Variants in PSMC3IP observed in about 807,000 individuals in gnomAD.
PSMC3IP encodes the protein homologous-pairing protein 2 homolog.
In PSMC3IP, 26 loss-of-function variants were observed where a neutral mutation model predicts 34.9. The observed-to-expected ratio is 0.74, with a 90% confidence interval of 0.55 to 1.03. The LOEUF (loss-of-function observed/expected upper bound fraction) is 1.03, where lower values mean the gene tolerates loss of function less well. Ranked by LOEUF, PSMC3IP falls within the 50% of genes least tolerant of loss-of-function variation. The pLI, the probability that PSMC3IP is intolerant of heterozygous loss-of-function variation, is 0.00. For synonymous variants in PSMC3IP, 87 were observed against 96.5 expected (o/e 0.90, Z 0.57); for missense variants, 250 against 263.1 (o/e 0.95, Z 0.34).
chr17:42,575,749 C>T (rs1253246389), intron 3 of PSMC3IP, among the ~76,000 whole-genome samples: 1 of 151,630 alleles, frequency 6.6e-6, no homozygotes, highest in Non-Finnish European at 1.5e-5. Context: ...TGGCTCATGC[C>T]TGTAATCCCA....
At chr17:42,574,077 T>G in intron 4 of PSMC3IP, 22 bp downstream of exon 4, 1 of 1,613,906 alleles carries the variant, frequency 6.2e-7, no homozygotes, top group Admixed American at 1.7e-5. Flanking sequence ...ATGGGCACTT[T>G]GGAGGGGCTA....
chr17:42,576,405 A>G (rs1190648682), intron 3 of PSMC3IP, among the ~76,000 whole-genome samples: 1 of 152,214 alleles, frequency 6.6e-6, no homozygotes, highest in Non-Finnish European at 1.5e-5. Flanking sequence ...AGAGTTTAAG[A>G]TATGTTTGAA....
Position 42,574,157 on chromosome 17 carries a change from G to T in PSMC3IP, c.279C>A (p.Ile93=). ...DADLQVLDGK[I]VALTAKVQSL... ...TCTGCACCTTAGCAGTGAGGGCCAC[G>T]ATTTTGCCATCTAGGACTTGAAGGT... The change falls in exon 4 of 8, where the codon ATC becomes ATA. Residue 93 remains isoleucine (I), a synonymous_variant. Transcript: ENST00000393795. 1 of 1,614,162 alleles carries T rather than the reference G, an allele frequency of 6.2e-7. No individual in the cohort carries two copies. The highest frequency in any genetic ancestry group is 8.5e-7 in the Non-Finnish European group (1 of 1,180,038).
Position 42,573,908 on chromosome 17 carries a change from G to A in PSMC3IP, c.337+191C>T, listed in dbSNP as rs558076002. On this transcript the variant is annotated intron_variant, in intron 4 of 7. Transcript: ENST00000393795. The stretch of plus-strand genomic sequence containing the variant: ...TAATCGTGGCAGGGAGAACAAATGC[G>A]TATCTTGTCCATTTGTTGGTACACA... 5.2e-6 allele frequency: 8 copies of A among 1,531,770 alleles called. No individual in the cohort carries two copies. The South Asian group carries it at 6.0e-5, about 12-fold the overall frequency. 94.9% of individuals were successfully genotyped at this position (1,531,770 alleles called of 1,614,324 possible). A position where few individuals can be genotyped will look rare whatever the true frequency, so the allele number is the denominator to read the frequency against.
chr17:42,574,046 C>A, intron 4 of PSMC3IP, 53 bp downstream of exon 4: 1 of 1,607,834 alleles, frequency 6.2e-7, no homozygotes, highest in South Asian at 1.1e-5. Flanking sequence ...AATTCCTGAC[C>A]TCTAGAATGA....
At chr17:42,576,865 T>C (rs1391060663) in intron 3 of PSMC3IP, 1 of 362,304 alleles carries the variant, frequency 2.8e-6, no homozygotes, top group African/African-American at 2.1e-5. Flanking sequence ...AGGTCTGGGC[T>C]GGAGAATATA....
chr17:42,572,932 A>G lies in PSMC3IP; in HGVS notation c.*36T>C, dbSNP rs920247453. The G allele has an allele frequency of 6.2e-7, 1 of 1,609,438 alleles. No homozygotes were observed. The highest frequency in any genetic ancestry group is 8.5e-7 in the Non-Finnish European group (1 of 1,176,220). On this transcript the variant is annotated 3_prime_UTR_variant, in exon 8 of 8. Coordinates refer to ENST00000393795, the MANE Select transcript of PSMC3IP (RefSeq NM_016556.4). The stretch of plus-strand genomic sequence containing the variant: ...GTGCAAGACATCTCACTCTTCTGAC[A>G]TCCTGCAGTCCCCACCAGTCCTGAC...
chr17:42,576,660 G>A lies in PSMC3IP; in HGVS notation c.225+553C>T, dbSNP rs146479459. The A allele has an allele frequency of 4.7e-3, 838 of 179,878 alleles. 5 individuals are homozygous for A. The highest frequency in any genetic ancestry group is 7.0e-3 in the Non-Finnish European group (586 of 83,328). 11.1% of individuals were successfully genotyped at this position (179,878 alleles called of 1,614,324 possible). On this transcript the variant is annotated intron_variant, in intron 3 of 7. Coordinates refer to ENST00000393795, the MANE Select transcript of PSMC3IP (RefSeq NM_016556.4). The stretch of plus-strand genomic sequence containing the variant: ...AAAAATTAAAAAAATAAATAAAAAC[G>A]GAAAAATCAGCTGGACTTGATGGTT...
At chr17:42,574,401 G>T (rs1351435679) in intron 3 of PSMC3IP, 191 bp from the exon 4 acceptor site, 2 of 1,371,600 alleles carry the variant, frequency 1.5e-6, no homozygotes, top group Non-Finnish European at 1.9e-6. Flanking sequence ...CCACTAAAAA[G>T]GTAGGAAAGA....
rs1397105586 is a variant in PSMC3IP, at chr17:42,572,366, A to G, written c.*602T>C. On this transcript the variant is annotated 3_prime_UTR_variant, in exon 8 of 8. Coordinates refer to ENST00000393795, the MANE Select transcript of PSMC3IP (RefSeq NM_016556.4). The stretch of plus-strand genomic sequence containing the variant: ...ACCAATGCAGTTTTGCTACGGTTAC[A>G]ATTTTGAAATATTAACTGAGCCTCA... 12 of 454,514 alleles carry G rather than the reference A, an allele frequency of 2.6e-5. No homozygotes were observed. The highest frequency in any genetic ancestry group is 8.8e-6 in the Non-Finnish European group (2 of 226,778). The allele number at this position is 454,514 out of a possible 1,614,324, so 28.2% of individuals were successfully genotyped here. A position where few individuals can be genotyped will look rare whatever the true frequency, so the allele number is the denominator to read the frequency against.
intron 3 of PSMC3IP, among the ~76,000 whole-genome samples, chr17:42,574,741 TTCTC>T (rs1013795623): frequency 3.2e-4 from 7 of 22,004 alleles, no homozygotes; most frequent in African/African-American, 3.9e-4. Flanking sequence ...CCCTCTCTCT[TTCTC>T]TCTCTTTCTC....
Position 42,577,522 on chromosome 17 carries a change from C to T in PSMC3IP, c.74G>A (p.Arg25Gln), listed in dbSNP as rs368227830. ...GAACACATCCTGGGAGCTGTAGGGC[C>T]GGTTCTGCTCCTGCAGGTACCTCAG... ...ILLRYLQEQN[R>Q]PYSSQDVFGN... The change falls in exon 2 of 8, where the codon CGG (arginine) becomes CAG (glutamine). Residue 25 changes from arginine (R) to glutamine (Q), a missense_variant. Coordinates refer to ENST00000393795, the MANE Select transcript of PSMC3IP (RefSeq NM_016556.4). 14 of 1,614,024 alleles carry T rather than the reference C, an allele frequency of 8.7e-6. No homozygotes were observed. The highest frequency in any genetic ancestry group is 1.3e-5 in the African/African-American group (1 of 74,920).
rs1369007037 is a variant in PSMC3IP at position 42,573,169 on chromosome 17, G to A, written c.538-3C>T. ...ATTGCATCAGACAGCTCTGTAGCCT[G>A]ACAAGAAATAAAACCACCCGTTTTC... On this transcript the variant is annotated splice_polypyrimidine_tract_variant and splice_region_variant and intron_variant, in intron 6 of 7. Transcript: ENST00000393795. The A allele has an allele frequency of 6.2e-7, 1 of 1,614,208 alleles. No homozygotes were observed. Among genetic ancestry groups the A allele is most frequent in the Non-Finnish European group, 8.5e-7 (1 of 1,180,042 alleles).
intron 2 of PSMC3IP, 34 bp from the exon 3 acceptor site, chr17:42,577,336 G>A (rs771321176): frequency 2.5e-6 from 4 of 1,611,424 alleles, no homozygotes; most frequent in Middle Eastern, 1.7e-4. Flanking sequence ...AATCAGAGGA[G>A]TCTGAGCCTG....
Position 42,573,341 on chromosome 17 carries a change from G to GTACT in PSMC3IP, c.503_506dup (p.Tyr169Ter). ...TCTTCCTCTTCCTCCACTCCTTACA[G>GTACT]TACTTCTGCCTCTCTCTGTACACCT... On this transcript the variant is annotated stop_gained and frameshift_variant, in exon 6 of 8. Coordinates refer to ENST00000393795, the MANE Select transcript of PSMC3IP (RefSeq NM_016556.4). LOFTEE classifies it high-confidence loss of function. 6.2e-7 allele frequency: 1 copy of GTACT among 1,614,054 alleles called. No individual in the cohort carries two copies. The highest frequency in any genetic ancestry group is 8.5e-7 in the Non-Finnish European group (1 of 1,180,032).
intron 3 of PSMC3IP, among the ~76,000 whole-genome samples, chr17:42,575,628 A>G (rs2093070399): frequency 6.6e-6 from 1 of 152,214 alleles, no homozygotes; most frequent in Non-Finnish European, 1.5e-5. Flanking sequence ...TCAGATAAAA[A>G]TGAATTGAGA....
At position 42,574,222 on chromosome 17, in the gene PSMC3IP, A is replaced by G. The variant is rs759702430; in HGVS notation, c.226-12T>C. On this transcript the variant is annotated splice_polypyrimidine_tract_variant and intron_variant, in intron 3 of 7. Coordinates refer to ENST00000393795, the MANE Select transcript of PSMC3IP (RefSeq NM_016556.4). ...ATGTCAAACTGGTCCTGCCAGACAA[A>G]GAGGGAAAATACAAGTGAACTGTTG... The G allele has an allele frequency of 2.5e-6, 4 of 1,612,994 alleles. No individual in the cohort carries two copies. The South Asian group carries it at 4.4e-5, about 18-fold the overall frequency.
chr17:42,576,354 AC>A (rs1318044499), intron 3 of PSMC3IP, among the ~76,000 whole-genome samples: 6 of 152,258 alleles, frequency 3.9e-5, no homozygotes, highest in Non-Finnish European at 7.3e-5. Context: ...AAGGTGCATG[AC>A]CAGATCTATT....
At position 42,573,638 on chromosome 17, in the gene PSMC3IP, G is replaced by C. The variant is rs2292752; in HGVS notation, c.338-15C>G. 0.56 allele frequency: 904,200 copies of C among 1,612,718 alleles called. 255,904 individuals are homozygous for C. The highest frequency in any genetic ancestry group is 0.68 in the African/African-American group (51,141 of 74,880). On this transcript the variant is annotated splice_polypyrimidine_tract_variant and intron_variant, in intron 4 of 7. Transcript: ENST00000393795. The stretch of plus-strand genomic sequence containing the variant: ...TTCCTTGAGCTCTGAAACCACATCC[G>C]CCTGGGGTCACTTGCTACCCCTGAG...
Sources: gnomAD v4.1 joint callset for allele counts (sites outside exome capture counted in the v4.1 genomes callset) on GRCh38, gnomAD v4.1.1 for gene constraint, MANE v1.5 for transcripts, NCBI Gene and HGNC (gene_info 2026-07-23, HGNC 2026-07-21) for gene names.